SLC37A3: variants seen among roughly 807,000 people sequenced by gnomAD.
SLC37A3 encodes the protein solute carrier family 37 member 3.
In SLC37A3, 51 loss-of-function variants were observed where a neutral mutation model predicts 67.1. The ratio of observed to expected loss-of-function variants is 0.76; its 90% CI spans 0.61 to 0.96. The LOEUF (loss-of-function observed/expected upper bound fraction) is 0.96. Among genes scored for constraint, SLC37A3 ranks in the 40% least tolerant of loss-of-function variants. SLC37A3 has a pLI of 0.00. For missense variants in SLC37A3, 508 were observed against 603.0 expected, an observed-to-expected ratio of 0.84 and a Z score of 1.65; for synonymous variants, 214 against 231.4, an observed-to-expected ratio of 0.92 and a Z score of 0.68.
At chr7:140,378,424 G>A (rs1475487285) in intron 3 of SLC37A3, among the ~76,000 whole-genome samples, 1 of 152,104 alleles carries the variant, frequency 6.6e-6, no homozygotes, top group African/African-American at 2.4e-5. Flanking sequence ...ATCTCTCTAA[G>A]ACCACTTCCA....
intron 2 of SLC37A3, among the ~76,000 whole-genome samples, chr7:140,380,960 G>C (rs1440575037): frequency 7.0e-6 from 1 of 143,740 alleles, no homozygotes; most frequent in Non-Finnish European, 1.5e-5. Context: ...GCAGTGCTGT[G>C]ATCTCAGCTC....
Position 140,334,913 on chromosome 7 carries a change from T to C in SLC37A3, c.*499A>G. 1 of 296,966 alleles carries C rather than the reference T, an allele frequency of 3.4e-6. No individual in the cohort carries two copies. The highest frequency in any genetic ancestry group is 3.4e-5 in the South Asian group (1 of 29,392). The allele number at this position is 296,966 out of a possible 1,614,324, so 18.4% of individuals were successfully genotyped here. A position where few individuals can be genotyped will look rare whatever the true frequency, so the allele number is the denominator to read the frequency against. The stretch of plus-strand genomic sequence containing the variant: ...GGCAGGCTTGCAGCTCGGTCCAGCT[T>C]GAGCATTTGATCAGGATTTGATGCT... On this transcript the variant is annotated 3_prime_UTR_variant, in exon 15 of 15. Transcript: ENST00000326232.
intron 5 of SLC37A3, among the ~76,000 whole-genome samples, chr7:140,361,934 C>T (rs1052357908): frequency 1.2e-4 from 17 of 146,014 alleles, no homozygotes; most frequent in Non-Finnish European, 2.6e-4. Flanking sequence ...CCTTGGCCCC[C>T]CAAAGTGCCG....
Position 140,363,068 on chromosome 7 carries a change from T to TG in SLC37A3, c.375+1339dup, listed in dbSNP as rs772752394. Among the ~76,000 whole-genome samples the TG allele has an allele frequency of 5.0e-4, 24 of 47,558 alleles. 3 individuals are homozygous for TG. The highest frequency in any genetic ancestry group is 0.011 in the Middle Eastern group (1 of 90). 31.2% of individuals were successfully genotyped at this position (47,558 alleles called of 152,430 possible). A position where few individuals can be genotyped will look rare whatever the true frequency, so the allele number is the denominator to read the frequency against. On this transcript the variant is annotated intron_variant, in intron 5 of 14. Coordinates refer to ENST00000326232, the MANE Select transcript of SLC37A3 (RefSeq NM_207113.3). The stretch of plus-strand genomic sequence containing the variant: ...CCAGCCGCCCCGTCAGGGAGGGTGG[T>TG]GGGGGGGGTCAGCCCCCCGCCCGGC...
chr7:140,362,677 G>T (rs1232079202), intron 5 of SLC37A3, among the ~76,000 whole-genome samples: 3 of 67,224 alleles, frequency 4.5e-5, no homozygotes, highest in African/African-American at 1.5e-4. Context: ...GGGAGGTGGG[G>T]GGGGGGGTCA....
At chr7:140,344,720 C>T (rs1211377919) in intron 12 of SLC37A3, among the ~76,000 whole-genome samples, 2 of 152,136 alleles carry the variant, frequency 1.3e-5, no homozygotes, top group South Asian at 2.1e-4. Flanking sequence ...TGTGCCACTA[C>T]ACTCCAGCCT....
intron 5 of SLC37A3, among the ~76,000 whole-genome samples, chr7:140,361,482 A>C (rs1203983408): frequency 1.7e-5 from 2 of 114,744 alleles, no homozygotes; most frequent in African/African-American, 3.3e-5. Flanking sequence ...AACTCCGGAC[A>C]CACAGCCTCT....
chr7:140,383,874 A>C (rs1408034646), intron 1 of SLC37A3, among the ~76,000 whole-genome samples: 1 of 152,136 alleles, frequency 6.6e-6, no homozygotes, highest in African/African-American at 2.4e-5. Context: ...ACATGGTTTC[A>C]TCATGTTGCC....
chr7:140,351,749 G>C, intron 8 of SLC37A3: 1 of 557,566 alleles, frequency 1.8e-6, no homozygotes, highest in Non-Finnish European at 3.2e-6. Flanking sequence ...GAAAAGAAAT[G>C]TTTCAAGAAG....
intron 7 of SLC37A3, 76 bp from the exon 8 acceptor site, chr7:140,352,222 G>T: frequency 9.2e-7 from 1 of 1,088,786 alleles, no homozygotes; most frequent in Non-Finnish European, 1.4e-6. Flanking sequence ...AAAGGTGTGT[G>T]GGGGAAGGTG....
intron 8 of SLC37A3, chr7:140,351,669 G>A (rs1161790967): frequency 5.2e-6 from 3 of 575,510 alleles, no homozygotes; most frequent in Non-Finnish European, 9.1e-6. Context: ...TTGCTTCTGT[G>A]GTTTCATTTG....
At chr7:140,368,852 C>T (rs1797709824) in intron 4 of SLC37A3, among the ~76,000 whole-genome samples, 1 of 152,104 alleles carries the variant, frequency 6.6e-6, no homozygotes, top group South Asian at 2.1e-4. Flanking sequence ...ATTGGCTTTA[C>T]CTCCAAAACA....
intron 1 of SLC37A3, among the ~76,000 whole-genome samples, chr7:140,387,853 T>TATATATAATATAA (rs1193717884): frequency 1.4e-5 from 1 of 71,318 alleles, no homozygotes; most frequent in Non-Finnish European, 2.8e-5. Context: ...ATATATATAT[T>TATATATAATATAA]AGTCGGGTGT....
At chr7:140,397,690 G>A (rs1798993013) in intron 1 of SLC37A3, among the ~76,000 whole-genome samples, 1 of 151,894 alleles carries the variant, frequency 6.6e-6, no homozygotes, top group Non-Finnish European at 1.5e-5. Context: ...AAATAAACCG[G>A]TGGACAAAAA....
At chr7:140,345,740 A>AT (rs1796529802) in intron 11 of SLC37A3, 129 bp downstream of exon 11, 1 of 723,246 alleles carries the variant, frequency 1.4e-6, no homozygotes, top group African/African-American at 1.7e-5. Context: ...GACAATGCAA[A>AT]GGTGGCATAT....
chr7:140,381,641 C>T (rs1343990409), intron 2 of SLC37A3, among the ~76,000 whole-genome samples: 1 of 152,152 alleles, frequency 6.6e-6, no homozygotes, highest in Non-Finnish European at 1.5e-5. Context: ...CAGCATGCCT[C>T]TAACACCCAA....
rs1796063858 is a variant in SLC37A3 at position 140,334,618 on chromosome 7, A to T, written c.*794T>A. On this transcript the variant is annotated 3_prime_UTR_variant, in exon 15 of 15. Coordinates refer to ENST00000326232, the MANE Select transcript of SLC37A3 (RefSeq NM_207113.3). ...CTGTGAGTTACACGTCGGAATGTTC[A>T]AGATAAATGATGTACCTTATGGTCC... is the stretch of plus-strand genomic sequence containing the variant. The T allele has an allele frequency of 6.5e-6, 1 of 152,858 alleles. No individual in the cohort carries two copies. The highest frequency in any genetic ancestry group is 2.1e-4 in the South Asian group (1 of 4,838). The allele number at this position is 152,858 out of a possible 1,614,324, so 9.5% of individuals were successfully genotyped here.
intron 7 of SLC37A3, 112 bp from the exon 8 acceptor site, chr7:140,352,258 G>T (rs1002660225): frequency 7.4e-6 from 6 of 814,664 alleles, no homozygotes; most frequent in Admixed American, 2.3e-5. Context: ...TGGGAAGGGA[G>T]ACCGGGAAGC....
chr7:140,372,901 A>G (rs111435272), intron 3 of SLC37A3, among the ~76,000 whole-genome samples: 10,527 of 151,804 alleles, frequency 0.069, 390 homozygotes, highest in Non-Finnish European at 0.085. Context: ...ACTGTCCTTC[A>G]TGAAGCAGTA....
Sources: allele counts gnomAD v4.1 joint callset (sites outside exome capture counted in the v4.1 genomes callset), GRCh38; gene constraint gnomAD v4.1.1; transcripts MANE v1.5; gene names NCBI Gene and HGNC (gene_info 2026-07-23, HGNC 2026-07-21).